TNKS: variants seen among roughly 807,000 people sequenced by gnomAD.
TNKS encodes tankyrase.
In TNKS, 72 loss-of-function variants were observed where a neutral mutation model predicts 135.8. The ratio of observed to expected loss-of-function variants is 0.53; its 90% CI spans 0.44 to 0.64. TNKS has a LOEUF of 0.64. TNKS is among the 30% of genes least tolerant of loss of function. The probability of loss-of-function intolerance (pLI) is 0.00; values close to 1 mark genes in which losing one functional copy is unlikely to be tolerated. For missense variants in TNKS, 1,769 were observed against 1,674.0 expected, an observed-to-expected ratio of 1.06 and a Z score of -0.99; for synonymous variants, 849 against 649.3, an observed-to-expected ratio of 1.31 and a Z score of -4.68.
Position 9,608,836 on chromosome 8 carries a change from C to G in TNKS, c.899-6746C>G, listed in dbSNP as rs1471086666. ...AGAGTTGGGTGATTATGGTACCCATCTTGTGAGTTTCTCTTCTTTCAGGGA... is the reference window on the plus strand; with the variant it reads ...AGAGTTGGGTGATTATGGTACCCATGTTGTGAGTTTCTCTTCTTTCAGGGA... On this transcript the variant is annotated intron_variant, in intron 2 of 26. Transcript: ENST00000310430. 3.9e-5 allele frequency among the ~76,000 whole-genome samples: 6 copies of G among 152,160 alleles called. No individual in the cohort carries two copies. In the South Asian group the frequency reaches 8.3e-4, roughly 21 times the overall value.
intron 15 of TNKS, among the ~76,000 whole-genome samples, chr8:9,734,434 C>G (rs1231454546): frequency 6.6e-6 from 1 of 151,372 alleles, no homozygotes; most frequent in Admixed American, 6.6e-5. Context: ...TACTGATGGC[C>G]TTTAGAATTA....
intron 3 of TNKS, among the ~76,000 whole-genome samples, chr8:9,644,485 A>T (rs909809269): frequency 1.3e-5 from 2 of 152,210 alleles, no homozygotes; most frequent in Non-Finnish European, 2.9e-5. Flanking sequence ...TTGGTCAAAT[A>T]TCTGAAAGAG....
At chr8:9,564,914 A>G (rs1479104734) in intron 1 of TNKS, among the ~76,000 whole-genome samples, 6 of 152,230 alleles carry the variant, frequency 3.9e-5, no homozygotes, top group Non-Finnish European at 8.8e-5. Context: ...TTCTTGGTGA[A>G]TAAAAAGCAT....
In TNKS at chr8:9,735,855, G is replaced by A. The variant is rs553148032; in HGVS notation, c.2643+369G>A. Among the ~76,000 whole-genome samples, 13 of 151,996 alleles carry A rather than the reference G, an allele frequency of 8.6e-5. No individual in the cohort carries two copies. The East Asian group carries it at 1.9e-3, about 23-fold the overall frequency. ...TCTAGAAAACTTCCCTGGCATTTAC[G>A]ACTTTATTAAATGCATACTATGCAT... On this transcript the variant is annotated intron_variant, in intron 17 of 26. Coordinates refer to ENST00000310430, the MANE Select transcript of TNKS (RefSeq NM_003747.3).
chr8:9,616,636 A>C (rs899726294), intron 3 of TNKS, among the ~76,000 whole-genome samples: 1 of 152,208 alleles, frequency 6.6e-6, no homozygotes, highest in Non-Finnish European at 1.5e-5. Flanking sequence ...GAAAGCTTTG[A>C]AAATCTATGG....
chr8:9,676,283 G>A (rs1563160784), intron 3 of TNKS, among the ~76,000 whole-genome samples: 2 of 152,098 alleles, frequency 1.3e-5, no homozygotes, highest in Middle Eastern at 3.2e-3. Flanking sequence ...AGTGTGTTGG[G>A]ATTACAGGTG....
chr8:9,659,290 C>G (rs1801580577), intron 3 of TNKS, among the ~76,000 whole-genome samples: 1 of 152,184 alleles, frequency 6.6e-6, no homozygotes, highest in South Asian at 2.1e-4. Flanking sequence ...ACGTTCTTTT[C>G]AGCACCACAC....
At chr8:9,681,343 G>T (rs756713799) in intron 5 of TNKS, among the ~76,000 whole-genome samples, 24 of 151,988 alleles carry the variant, frequency 1.6e-4, no homozygotes, top group Non-Finnish European at 2.8e-4. Context: ...AAACAGAGAG[G>T]AATATTCTAT....
At chr8:9,730,645 A>G (rs1265358458) in intron 13 of TNKS, among the ~76,000 whole-genome samples, 1 of 152,150 alleles carries the variant, frequency 6.6e-6, no homozygotes, top group Non-Finnish European at 1.5e-5. Context: ...TTTCTATTTG[A>G]TTCCGATTTT....
intron 1 of TNKS, chr8:9,575,122 T>G: frequency 2.1e-6 from 2 of 962,472 alleles, no homozygotes; most frequent in Non-Finnish European, 2.5e-6. Flanking sequence ...AGTCTCGCTC[T>G]GTTGCCCAGG....
intron 5 of TNKS, among the ~76,000 whole-genome samples, chr8:9,688,139 A>C (rs1450363167): frequency 1.3e-5 from 2 of 152,240 alleles, no homozygotes; most frequent in African/African-American, 4.8e-5. Context: ...TAAATATTAC[A>C]TGATAAAGAT....
intron 5 of TNKS, among the ~76,000 whole-genome samples, chr8:9,691,339 C>T (rs1803257302): frequency 1.3e-5 from 2 of 152,106 alleles, no homozygotes; most frequent in Admixed American, 1.3e-4. Context: ...ATTTCTGGGG[C>T]GCTTATCCAA....
At chr8:9,676,216 T>A (rs1408235810) in intron 3 of TNKS, among the ~76,000 whole-genome samples, 1 of 152,112 alleles carries the variant, frequency 6.6e-6, no homozygotes, top group Non-Finnish European at 1.5e-5. Flanking sequence ...TTTCACCATG[T>A]TGGCCAGGCT....
At chr8:9,596,378 T>C (rs5018578) in intron 2 of TNKS, among the ~76,000 whole-genome samples, 17,756 of 152,198 alleles carry the variant, frequency 0.12, 1,338 homozygotes, top group African/African-American at 0.22. Flanking sequence ...CCTTCTTACT[T>C]CTCATTCTCA....
At chr8:9,754,043 C>A (rs1353824203) in intron 20 of TNKS, among the ~76,000 whole-genome samples, 3 of 152,126 alleles carry the variant, frequency 2.0e-5, no homozygotes, top group African/African-American at 7.2e-5. Context: ...CCTTCCTGTC[C>A]TCTCTATCTC....
chr8:9,735,898 A>T (rs1189970236), intron 17 of TNKS, among the ~76,000 whole-genome samples: 1 of 152,074 alleles, frequency 6.6e-6, no homozygotes, highest in Non-Finnish European at 1.5e-5. Flanking sequence ...GTAGATATCT[A>T]ACTAATAGCA....
Position 9,762,668 on chromosome 8 carries a change from C to T in TNKS, c.3275-479C>T, listed in dbSNP as rs138422488. Among the ~76,000 whole-genome samples, 347 of 151,966 alleles carry T rather than the reference C, an allele frequency of 2.3e-3. 1 individual carries two copies. Among genetic ancestry groups the T allele is most frequent in the African/African-American group, 8.1e-3 (337 of 41,450 alleles). ...CTGTAATCCCAGCACTTTGGGAGGC[C>T]GAGGCAGGCAGATCATGAGGTCAGG... On this transcript the variant is annotated intron_variant, in intron 21 of 26. Coordinates refer to ENST00000310430, the MANE Select transcript of TNKS (RefSeq NM_003747.3).
chr8:9,709,829 C>A, intron 9 of TNKS, 126 bp from the exon 10 acceptor site: 1 of 696,438 alleles, frequency 1.4e-6, no homozygotes, highest in Non-Finnish European at 2.4e-6. Context: ...TGATATAAAA[C>A]ATATACATAT....
chr8:9,771,581 GAGAA>G (rs1192744756), intron 26 of TNKS, among the ~76,000 whole-genome samples: 5 of 136,102 alleles, frequency 3.7e-5, no homozygotes, highest in Non-Finnish European at 7.9e-5. Flanking sequence ...GGAAGGAAGA[GAGAA>G]AGGGAGAGGA....
Sources: gnomAD v4.1 joint callset for allele counts (sites outside exome capture counted in the v4.1 genomes callset) on GRCh38, gnomAD v4.1.1 for gene constraint, MANE v1.5 for transcripts, NCBI Gene and HGNC (gene_info 2026-07-23, HGNC 2026-07-21) for gene names.